Variants in BMPR1B observed in about 807,000 individuals in gnomAD.
BMPR1B encodes the protein bone morphogenetic protein receptor type 1B.
A neutral mutation model predicts 59.1 loss-of-function variants in BMPR1B; 12 were observed. The observed-to-expected ratio is 0.20, with a 90% confidence interval of 0.13 to 0.33. BMPR1B has a LOEUF of 0.33. BMPR1B is among the 10% of genes least tolerant of loss of function. The pLI is 1.00. For missense variants in BMPR1B, 550 were observed against 610.9 expected (o/e 0.90, Z 1.05); for synonymous variants, 237 against 207.3 (o/e 1.14, Z -1.23).
intron 2 of BMPR1B, among the ~76,000 whole-genome samples, chr4:94,886,211 T>A (rs2148984823): frequency 6.6e-6 from 1 of 152,308 alleles, no homozygotes; most frequent in South Asian, 2.1e-4. Flanking sequence ...AATAACACTT[T>A]AAGAATGAAA....
intron 1 of BMPR1B, among the ~76,000 whole-genome samples, chr4:94,773,959 T>G (rs1722277150): frequency 6.6e-6 from 1 of 152,074 alleles, no homozygotes; most frequent in African/African-American, 2.4e-5. Context: ...TCTGTGATTG[T>G]TTAAATGTTA....
intron 2 of BMPR1B, among the ~76,000 whole-genome samples, chr4:94,990,621 G>GA (rs1346623652): frequency 6.6e-6 from 1 of 152,186 alleles, no homozygotes; most frequent in Non-Finnish European, 1.5e-5. Flanking sequence ...GAAGAAAGAA[G>GA]AAAACACAGG....
intron 2 of BMPR1B, among the ~76,000 whole-genome samples, chr4:94,910,295 A>G (rs761119688): frequency 1.3e-5 from 2 of 152,046 alleles, no homozygotes; most frequent in Non-Finnish European, 2.9e-5. Context: ...ATTTGGCTTT[A>G]AAGTTTGCCT....
chr4:95,074,504 A>G (rs2149224641), intron 3 of BMPR1B, among the ~76,000 whole-genome samples: 1 of 152,080 alleles, frequency 6.6e-6, no homozygotes, highest in South Asian at 2.1e-4. Flanking sequence ...GATGGGTGGC[A>G]TTTTTAGTTT....
Position 94,931,355 on chromosome 4 carries a change from G to A in BMPR1B, c.-113+55455G>A, listed in dbSNP as rs544614344. Among the ~76,000 whole-genome samples the A allele has an allele frequency of 1.8e-4, 28 of 152,142 alleles. No individual in the cohort carries two copies. In the South Asian group the frequency reaches 5.8e-3, roughly 32 times the overall value. ...TAAAGTTACAAATGTTATACACGTCGTGGACTTTTATGTTGCTGGAAATAA... is the reference window on the plus strand; with the variant it reads ...TAAAGTTACAAATGTTATACACGTCATGGACTTTTATGTTGCTGGAAATAA... On this transcript the variant is annotated intron_variant, in intron 2 of 12. Coordinates refer to ENST00000515059, the MANE Select transcript of BMPR1B (RefSeq NM_001203.3).
intron 1 of BMPR1B, among the ~76,000 whole-genome samples, chr4:94,859,461 A>G (rs1377915495): frequency 6.6e-6 from 1 of 152,176 alleles, no homozygotes; most frequent in Non-Finnish European, 1.5e-5. Flanking sequence ...TTTGTTTACT[A>G]TAGTGTGTAT....
chr4:95,037,310 A>G (rs1725329675), intron 3 of BMPR1B, among the ~76,000 whole-genome samples: 1 of 152,208 alleles, frequency 6.6e-6, no homozygotes, highest in Non-Finnish European at 1.5e-5. Flanking sequence ...TTAGATTTGC[A>G]TTGCCAGAGA....
At chr4:94,995,875 CT>C (rs1216401636) in intron 2 of BMPR1B, 164 bp from the exon 3 acceptor site, 2 of 152,150 alleles carry the variant, frequency 1.3e-5, no homozygotes, top group Non-Finnish European at 2.9e-5. Context: ...AAGTAAAGCA[CT>C]GAGCAAGTGT....
intron 1 of BMPR1B, among the ~76,000 whole-genome samples, chr4:94,804,336 G>A (rs1428645396): frequency 6.6e-6 from 1 of 152,058 alleles, no homozygotes; most frequent in Non-Finnish European, 1.5e-5. Context: ...TGCCTCTTGG[G>A]GAATCACAAC....
At chr4:95,095,841 A>G (rs1193677279) in intron 3 of BMPR1B, among the ~76,000 whole-genome samples, 3 of 152,094 alleles carry the variant, frequency 2.0e-5, no homozygotes, top group East Asian at 1.9e-4. Context: ...TGACTATGAC[A>G]TAAAACAGTC....
chr4:94,902,059 G>GTGTGTGTGTGTGTT (rs1158050357), intron 2 of BMPR1B, among the ~76,000 whole-genome samples: 57 of 110,174 alleles, frequency 5.2e-4, no homozygotes, highest in African/African-American at 1.5e-3. Context: ...GTGTGTGTGT[G>GTGTGTGTGTGTGTT]TGTGTGTGTG....
At position 95,049,471 on chromosome 4, in the gene BMPR1B, G is replaced by T. The variant is rs201984746; in HGVS notation, c.-18+53337G>T. Among the ~76,000 whole-genome samples the T allele has an allele frequency of 9.5e-4, 47 of 49,388 alleles. 1 individual carries two copies. In the East Asian group the frequency reaches 0.022, roughly 23 times the overall value. 32.4% of individuals were successfully genotyped at this position (49,388 alleles called of 152,430 possible). On this transcript the variant is annotated intron_variant, in intron 3 of 12. Coordinates refer to ENST00000515059, the MANE Select transcript of BMPR1B (RefSeq NM_001203.3). ...TTTTTTTTTTTTTTTTTTTTTTTTT[G>T]CAGTTCATATATTCCAAACTCTGTA... is the stretch of plus-strand genomic sequence containing the variant.
chr4:94,988,786 T>G (rs1405874037), intron 2 of BMPR1B, among the ~76,000 whole-genome samples: 1 of 152,014 alleles, frequency 6.6e-6, no homozygotes, highest in Non-Finnish European at 1.5e-5. Flanking sequence ...CAAAGAACCT[T>G]AGAGTTAAAG....
Position 94,978,420 on chromosome 4 carries a change from G to C in BMPR1B, c.-112-17620G>C, listed in dbSNP as rs756754610. Among the ~76,000 whole-genome samples, 4 of 152,178 alleles carry C rather than the reference G, an allele frequency of 2.6e-5. No homozygotes were observed. The South Asian group carries it at 8.3e-4, about 31-fold the overall frequency. ...GTGCTGTCCAGGCATCTCTTTATTC[G>C]TGTAGTTTCAAGGTCTCTCTAGTTT... On this transcript the variant is annotated intron_variant, in intron 2 of 12. Coordinates refer to ENST00000515059, the MANE Select transcript of BMPR1B (RefSeq NM_001203.3).
At chr4:94,821,339 T>C (rs1190055225) in intron 1 of BMPR1B, among the ~76,000 whole-genome samples, 1 of 152,210 alleles carries the variant, frequency 6.6e-6, no homozygotes, top group Non-Finnish European at 1.5e-5. Flanking sequence ...TCTTGAAGTT[T>C]AATACTAACA....
intron 3 of BMPR1B, among the ~76,000 whole-genome samples, chr4:95,088,055 C>T (rs954816782): frequency 6.6e-6 from 1 of 152,100 alleles, no homozygotes; most frequent in South Asian, 2.1e-4. Context: ...GTTTTAACTT[C>T]CCTGATGTCC....
At chr4:94,974,071 A>G (rs1346804930) in intron 2 of BMPR1B, among the ~76,000 whole-genome samples, 2 of 152,298 alleles carry the variant, frequency 1.3e-5, no homozygotes, top group East Asian at 3.9e-4. Context: ...AGCACTGAAT[A>G]TTATTAAAAA....
chr4:95,011,671 T>C (rs570248134), intron 3 of BMPR1B, among the ~76,000 whole-genome samples: 4 of 152,150 alleles, frequency 2.6e-5, no homozygotes, highest in African/African-American at 4.8e-5. Flanking sequence ...CCTCATGATC[T>C]TTTAGCTGGC....
chr4:94,894,214 T>A (rs1460685203), intron 2 of BMPR1B, among the ~76,000 whole-genome samples: 1 of 152,046 alleles, frequency 6.6e-6, no homozygotes, highest in Non-Finnish European at 1.5e-5. Flanking sequence ...ACTACCCAAG[T>A]GCTCTTTACA....
Sources: gnomAD v4.1 joint callset for allele counts (sites outside exome capture counted in the v4.1 genomes callset) on GRCh38, gnomAD v4.1.1 for gene constraint, MANE v1.5 for transcripts, NCBI Gene and HGNC (gene_info 2026-07-23, HGNC 2026-07-21) for gene names.